The following WAPL variants were observed in gnomAD, a reference collection of about 807,000 sequenced individuals.
The protein encoded by WAPL is wings apart-like protein homolog.
WAPL carries 5 observed loss-of-function variants against 121.0 expected under a neutral mutation model. The observed-to-expected ratio is 0.04, with a 90% CI of 0.02 to 0.09. The LOEUF is 0.09. WAPL is among the 10% of genes least tolerant of loss of function. WAPL has a pLI of 1.00. For missense variants in WAPL, 999 were observed against 1,410.8 expected (o/e 0.71, Z 4.68); for synonymous variants, 480 against 481.5 (o/e 1.00, Z 0.04).
At chr10:86,448,350 C>G (rs563312959) in intron 15 of WAPL, among the ~76,000 whole-genome samples, 1 of 152,176 alleles carries the variant, frequency 6.6e-6, no homozygotes, top group South Asian at 2.1e-4. Context: ...ACTTGGGAGG[C>G]TGAGGTGAAA....
intron 11 of WAPL, 26 bp from the exon 12 acceptor site, chr10:86,459,091 T>C (rs1841213571): frequency 6.3e-7 from 1 of 1,579,942 alleles, no homozygotes; most frequent in Non-Finnish European, 8.6e-7. Flanking sequence ...ATGAAATAAT[T>C]GTGGCAATCC....
intron 4 of WAPL, among the ~76,000 whole-genome samples, chr10:86,479,534 G>A (rs1185363732): frequency 2.0e-5 from 3 of 152,200 alleles, no homozygotes; most frequent in East Asian, 3.9e-4. Flanking sequence ...GACTACTGGC[G>A]TGAGCCACAG....
intron 2 of WAPL, among the ~76,000 whole-genome samples, chr10:86,508,379 AC>A (rs1012581403): frequency 1.3e-5 from 2 of 152,034 alleles, no homozygotes; most frequent in African/African-American, 4.8e-5. Flanking sequence ...CAAACATAGC[AC>A]CCCTTCTTCC....
At position 86,472,241 on chromosome 10, in the gene WAPL, T is replaced by C; in HGVS notation, c.1997A>G (p.Lys666Arg). The change falls in exon 7 of 19, where the codon AAG becomes AGG. Residue 666 changes from lysine (K) to arginine (R), a missense_variant. Around this residue, in one of 7 missense-constraint regions of WAPL, gnomAD observed 118 missense variants for 318.3 expected, o/e 0.37. Coordinates refer to ENST00000298767, the MANE Select transcript of WAPL (RefSeq NM_015045.5). The surrounding 1 kb of genome is among the most constrained non-coding windows in gnomAD (Gnocchi z 4.2). ...ACGTGTGTTTAGAGGCTGAGTGCTC[T>C]TTAAGCCACTTAACAAGTACTCAAT... ...DDIEYLLSGL[K>R]STQPLNTRCL... 6.3e-7 allele frequency: 1 copy of C among 1,593,630 alleles called. No individual in the cohort carries two copies.
In WAPL at chr10:86,453,348, A is replaced by G; in HGVS notation, c.2834-13T>C. ...GTGCTGCCCCACTCTGAAATAAGAA[A>G]TGGATACAGGAAAATGGTTACTGAT... is the stretch of plus-strand genomic sequence containing the variant. On this transcript the variant is annotated splice_polypyrimidine_tract_variant and intron_variant, in intron 13 of 18. Coordinates refer to ENST00000298767, the MANE Select transcript of WAPL (RefSeq NM_015045.5). 1 of 1,612,582 alleles carries G rather than the reference A, an allele frequency of 6.2e-7. No individual in the cohort carries two copies. Among genetic ancestry groups the G allele is most frequent in the Non-Finnish European group, 8.5e-7 (1 of 1,178,860 alleles).
chr10:86,467,256 G>A (rs1841420381), intron 9 of WAPL, 23 bp downstream of exon 9: 2 of 1,597,402 alleles, frequency 1.3e-6, no homozygotes, highest in Non-Finnish European at 1.7e-6. Flanking sequence ...TCTCATCTTA[G>A]AAGGAAGGAA....
At position 86,482,638 on chromosome 10, in the gene WAPL, T is replaced by TGG. The variant is rs200125996; in HGVS notation, c.1645-8667_1645-8666dup. Among the ~76,000 whole-genome samples, 18 of 152,284 alleles carry TGG rather than the reference T, an allele frequency of 1.2e-4. No individual in the cohort carries two copies. The East Asian group carries it at 2.7e-3, about 23-fold the overall frequency. On this transcript the variant is annotated intron_variant, in intron 4 of 18. Coordinates refer to ENST00000298767, the MANE Select transcript of WAPL (RefSeq NM_015045.5). ...GAAGAAAGAAGTTTTCACAAAATGA[T>TGG]GGGGACATGGCAGACAAATCAAACA...
chr10:86,442,990 C>A (rs548542871), intron 17 of WAPL, among the ~76,000 whole-genome samples: 11 of 150,346 alleles, frequency 7.3e-5, no homozygotes, highest in Non-Finnish European at 1.3e-4. Flanking sequence ...TTGCAGTGAG[C>A]CGAGATTGCG....
Position 86,497,287 on chromosome 10 carries a change from C to A in WAPL, c.1558G>T (p.Val520Leu). 6.2e-7 allele frequency: 1 copy of A among 1,612,342 alleles called. No individual in the cohort carries two copies. Among genetic ancestry groups the A allele is most frequent in the Non-Finnish European group, 8.5e-7 (1 of 1,179,612 alleles). The change falls in exon 4 of 19, where the codon GTG becomes TTG. Residue 520 changes from valine (V) to leucine (L), a missense_variant. This residue lies in a region of WAPL where 531 missense variants were observed against 563.1 expected (regional missense o/e 0.94). Transcript: ENST00000298767. Reference sequence around the variant, plus strand: ...ATGGGCTTCTTCACACTTTCAGGCACACCAGGCAAGTCCTCTGTAAAATCC... The same window carrying A: ...ATGGGCTTCTTCACACTTTCAGGCAAACCAGGCAAGTCCTCTGTAAAATCC... ...NLDFTEDLPGVPESVKKPINK... is the reference protein window; with the variant it reads ...NLDFTEDLPGLPESVKKPINK...
Position 86,517,870 on chromosome 10 carries a change from T to C in WAPL, c.200A>G (p.Glu67Gly). 1 of 1,614,174 alleles carries C rather than the reference T, an allele frequency of 6.2e-7. No homozygotes were observed. The highest frequency in any genetic ancestry group is 1.1e-5 in the South Asian group (1 of 91,084). ...EIPKKPKVEE[E>G]STGDPFGFDS... ...AAATCCAAAAGGATCTCCAGTACTTTCTTCTTCCACTTTAGGTTTCTTCGG... is the reference window on the plus strand; with the variant it reads ...AAATCCAAAAGGATCTCCAGTACTTCCTTCTTCCACTTTAGGTTTCTTCGG... The change falls in exon 2 of 19, where the codon GAA becomes GGA. Residue 67 changes from glutamate (E) to glycine (G), a missense_variant. Around this residue, in one of 7 missense-constraint regions of WAPL, gnomAD observed 531 missense variants for 563.1 expected, o/e 0.94. Coordinates refer to ENST00000298767, the MANE Select transcript of WAPL (RefSeq NM_015045.5).
chr10:86,492,071 T>C (rs1589527535), intron 4 of WAPL, among the ~76,000 whole-genome samples: 1 of 152,254 alleles, frequency 6.6e-6, no homozygotes, highest in East Asian at 1.9e-4. Flanking sequence ...TTCTACATAT[T>C]CAACTATTTT....
At chr10:86,488,881 G>A (rs991717089) in intron 4 of WAPL, among the ~76,000 whole-genome samples, 2 of 152,268 alleles carry the variant, frequency 1.3e-5, no homozygotes, top group Admixed American at 6.5e-5. Flanking sequence ...AACTGACTCA[G>A]GCAACAATCA....
At chr10:86,497,153 C>T in intron 4 of WAPL, 48 bp downstream of exon 4, 1 of 1,434,892 alleles carries the variant, frequency 7.0e-7, no homozygotes, top group Non-Finnish European at 9.7e-7. Context: ...GAGTTGAGCC[C>T]TCCAATAACA....
chr10:86,514,726 A>T (rs1371088699), intron 2 of WAPL, among the ~76,000 whole-genome samples: 1 of 152,200 alleles, frequency 6.6e-6, no homozygotes, highest in African/African-American at 2.4e-5. Context: ...TATTGTCCGC[A>T]AAGCTACAGA....
chr10:86,482,982 T>A (rs1337966280), intron 4 of WAPL, among the ~76,000 whole-genome samples: 1 of 152,224 alleles, frequency 6.6e-6, no homozygotes, highest in East Asian at 1.9e-4. Context: ...AATTACAAAC[T>A]GCATATGTAA....
At chr10:86,505,336 T>G (rs1252617621) in intron 2 of WAPL, among the ~76,000 whole-genome samples, 1 of 130,634 alleles carries the variant, frequency 7.7e-6, no homozygotes, top group Non-Finnish European at 1.6e-5. Context: ...GGAGACAGAG[T>G]CTTGCTCTGT....
intron 13 of WAPL, 135 bp from the exon 14 acceptor site, chr10:86,453,470 T>A: frequency 1.7e-6 from 2 of 1,188,082 alleles, no homozygotes; most frequent in Non-Finnish European, 2.3e-6. Context: ...TTGATACTTC[T>A]GGGTCAAGCT....
At chr10:86,506,369 C>A (rs76725188) in intron 2 of WAPL, among the ~76,000 whole-genome samples, 10,200 of 152,262 alleles carry the variant, frequency 0.067, 647 homozygotes, top group East Asian at 0.38. Context: ...GAGTGTTCCT[C>A]TTCTAATAAT....
intron 12 of WAPL, among the ~76,000 whole-genome samples, chr10:86,455,756 T>C (rs954975944): frequency 1.4e-5 from 2 of 145,472 alleles, no homozygotes; most frequent in African/African-American, 5.1e-5. Context: ...CAGGGTGAGA[T>C]GGGACAGAAT....
Sources: allele counts gnomAD v4.1 joint callset (sites outside exome capture counted in the v4.1 genomes callset), GRCh38; gene constraint gnomAD v4.1.1; regional missense constraint gnomAD v4.1.1; non-coding constraint Gnocchi (gnomAD v3.1); transcripts MANE v1.5; gene names NCBI Gene and HGNC (gene_info 2026-07-23, HGNC 2026-07-21).